Variants in ALKBH1 observed in about 807,000 individuals in gnomAD.
The protein encoded by ALKBH1 is alkB homolog 1, histone H2A dioxygenase.
In ALKBH1, 31 loss-of-function variants were observed where a neutral mutation model predicts 36.6. The ratio of observed to expected loss-of-function variants is 0.85; its 90% CI spans 0.64 to 1.14. The LOEUF (loss-of-function observed/expected upper bound fraction) is 1.14. Ranked by LOEUF, ALKBH1 falls within the 50% of genes most tolerant of loss-of-function variation. The probability of loss-of-function intolerance (pLI) is 0.00; values close to 1 mark genes in which losing one functional copy is unlikely to be tolerated. For synonymous variants in ALKBH1, 183 were observed against 186.6 expected (o/e 0.98, Z 0.16); for missense variants, 490 against 497.3 (o/e 0.99, Z 0.14).
chr14:77,692,021 T>C (rs1026389102), intron 3 of ALKBH1: 1 of 152,212 alleles, frequency 6.6e-6, no homozygotes, highest in African/African-American at 2.4e-5. Flanking sequence ...TGAATTTTAC[T>C]TTTCCTTTCC....
At chr14:77,686,118 T>C (rs1306219655) in intron 3 of ALKBH1, among the ~76,000 whole-genome samples, 2 of 152,208 alleles carry the variant, frequency 1.3e-5, no homozygotes, top group African/African-American at 4.8e-5. Flanking sequence ...CAAACATTTC[T>C]TGTCTTAGTA....
intron 3 of ALKBH1, among the ~76,000 whole-genome samples, chr14:77,682,368 T>A (rs1400797876): frequency 6.6e-6 from 1 of 152,174 alleles, no homozygotes; most frequent in African/African-American, 2.4e-5. Context: ...GTATGACTCA[T>A]GTGGACTTTG....
At chr14:77,701,855 G>A (rs2139865462) in intron 2 of ALKBH1, among the ~76,000 whole-genome samples, 1 of 152,342 alleles carries the variant, frequency 6.6e-6, no homozygotes, top group East Asian at 1.9e-4. Context: ...CCCAAAAGAT[G>A]TGGCTTAATT....
chr14:77,677,415 G>A (rs775562423), intron 4 of ALKBH1, among the ~76,000 whole-genome samples: 53 of 152,200 alleles, frequency 3.5e-4, no homozygotes, highest in Admixed American at 1.3e-4. Context: ...TTCACTTACA[G>A]GTTCCTATAT....
intron 2 of ALKBH1, among the ~76,000 whole-genome samples, chr14:77,700,108 C>T (rs969172991): frequency 2.6e-5 from 4 of 151,960 alleles, no homozygotes; most frequent in African/African-American, 9.7e-5. Context: ...TCTAACCAAA[C>T]AAATCTCTGA....
intron 3 of ALKBH1, among the ~76,000 whole-genome samples, chr14:77,693,764 G>T (rs1207806311): frequency 1.3e-5 from 2 of 152,136 alleles, no homozygotes; most frequent in African/African-American, 2.4e-5. Flanking sequence ...GAGGCAGGGG[G>T]ATCACTTGAG....
intron 4 of ALKBH1, among the ~76,000 whole-genome samples, chr14:77,678,277 C>T (rs568680483): frequency 1.3e-4 from 20 of 152,270 alleles, no homozygotes; most frequent in African/African-American, 4.8e-4. Flanking sequence ...AAGAAAATCA[C>T]ATGGCATTTC....
In ALKBH1 at chr14:77,708,019, C is replaced by T. The variant is rs765891329; in HGVS notation, c.-15G>A. 10 of 1,609,154 alleles carry T rather than the reference C, an allele frequency of 6.2e-6. No individual in the cohort carries two copies. The highest frequency in any genetic ancestry group is 1.7e-4 in the Middle Eastern group (1 of 6,002). On this transcript the variant is annotated 5_prime_UTR_variant, in exon 1 of 6. Coordinates refer to ENST00000216489, the MANE Select transcript of ALKBH1 (RefSeq NM_006020.3). ...ATCTTCCCCATCTCGCGGCCTATAC[C>T]CTCTGATCCGGAAGCAGATTCTCTC...
chr14:77,676,878 G>A (rs2080209008), intron 4 of ALKBH1, among the ~76,000 whole-genome samples: 1 of 152,200 alleles, frequency 6.6e-6, no homozygotes, highest in South Asian at 2.1e-4. Context: ...GGGATGACAT[G>A]CTCAAAACAT....
chr14:77,688,655 C>T (rs1443690556), intron 3 of ALKBH1, among the ~76,000 whole-genome samples: 1 of 150,968 alleles, frequency 6.6e-6, no homozygotes, highest in Non-Finnish European at 1.5e-5. Flanking sequence ...CGGGTTCAAG[C>T]GATTCTCCCA....
chr14:77,704,371 G>C lies in ALKBH1; in HGVS notation c.290C>G (p.Pro97Arg). Residue 97 changes from proline to arginine, a missense_variant and splice_region_variant, in exon 2 of 6, where the codon CCT becomes CGT. By Grantham distance (103) the Pro-to-Arg change is moderately radical. Coordinates refer to ENST00000216489, the MANE Select transcript of ALKBH1 (RefSeq NM_006020.3). The part of the protein sequence containing the change: ...KWQAYGLKGY[P>R]GFIFIPNPFL... ...TCTCTGAGGTCAGTTACACTCACCAGGATAGCCTTTGAGTCCATAGGCTTG... is the reference window on the plus strand; with the variant it reads ...TCTCTGAGGTCAGTTACACTCACCACGATAGCCTTTGAGTCCATAGGCTTG... 1 of 1,611,550 alleles carries C rather than the reference G, an allele frequency of 6.2e-7. No individual in the cohort carries two copies.
At chr14:77,701,440 C>T (rs80079793) in intron 2 of ALKBH1, among the ~76,000 whole-genome samples, 2 of 152,136 alleles carry the variant, frequency 1.3e-5, no homozygotes, top group Non-Finnish European at 2.9e-5. Flanking sequence ...AGAACCTACG[C>T]CTTAACCACT....
At chr14:77,690,601 T>C (rs2080291790) in intron 3 of ALKBH1, among the ~76,000 whole-genome samples, 2 of 152,208 alleles carry the variant, frequency 1.3e-5, no homozygotes, top group Admixed American at 1.3e-4. Context: ...GAGAAATGAC[T>C]GAATTTATTC....
At chr14:77,697,748 C>T (rs931190274) in intron 2 of ALKBH1, among the ~76,000 whole-genome samples, 4 of 150,754 alleles carry the variant, frequency 2.7e-5, no homozygotes, top group Non-Finnish European at 4.4e-5. Flanking sequence ...GTGGCCTGGC[C>T]GATGCCTGTA....
rs2080376744 is a variant in ALKBH1, at chr14:77,704,396, GC to G, written c.264del (p.Trp88CysfsTer28). 1 of 1,613,942 alleles carries G rather than the reference GC, an allele frequency of 6.2e-7. No homozygotes were observed. The highest frequency in any genetic ancestry group is 8.5e-7 in the Non-Finnish European group (1 of 1,179,924). ...YRAGLQPVSK[W>X]QAYGLKGYPG... is the part of the protein sequence containing the mutation. ...GGATAGCCTTTGAGTCCATAGGCTT[GC>G]CACTTGCTGACGGGCTGAAGACCTG... On this transcript the variant is annotated frameshift_variant, in exon 2 of 6. Transcript: ENST00000216489. LOFTEE classifies it high-confidence loss of function.
chr14:77,688,320 G>A (rs1024925317), intron 3 of ALKBH1, among the ~76,000 whole-genome samples: 3 of 150,832 alleles, frequency 2.0e-5, no homozygotes, highest in Non-Finnish European at 2.9e-5. Flanking sequence ...GCAGTGGCGT[G>A]ATCTCAGCTC....
chr14:77,695,056 A>G (rs907716804), intron 2 of ALKBH1, among the ~76,000 whole-genome samples, 156 bp from the exon 3 acceptor site: 6 of 152,322 alleles, frequency 3.9e-5, no homozygotes, highest in Non-Finnish European at 7.4e-5. Context: ...TTTGATGAAC[A>G]TTAGACATCT....
rs1016470406 is a variant in ALKBH1, at chr14:77,680,227, A to AT, written c.456-258dup. ...CAACTTTAAATCACAAGCCTCCAGC[A>AT]TCTTGGTAATGATAAAATAAGAATG... On this transcript the variant is annotated intron_variant, in intron 3 of 5. Coordinates refer to ENST00000216489, the MANE Select transcript of ALKBH1 (RefSeq NM_006020.3). 5.5e-5 allele frequency among the ~76,000 whole-genome samples: 7 copies of AT among 126,284 alleles called. No homozygotes were observed. In the Admixed American group the frequency reaches 6.3e-4, roughly 11 times the overall value. The allele number at this position is 126,284 out of a possible 152,430, so 82.8% of individuals were successfully genotyped here.
In ALKBH1 at chr14:77,706,057, T is replaced by TA. The variant is rs928098642; in HGVS notation, c.184-1581dup. Among the ~76,000 whole-genome samples, 23 of 150,038 alleles carry TA rather than the reference T, an allele frequency of 1.5e-4. No homozygotes were observed. In the East Asian group the frequency reaches 2.0e-3, roughly 13 times the overall value. ...GTGACACAGTGAGACGCTGTCTCAG[T>TA]AAAAAAAAGTATATATATTATATAT... On this transcript the variant is annotated intron_variant, in intron 1 of 5. Transcript: ENST00000216489.
Sources: allele counts gnomAD v4.1 joint callset (sites outside exome capture counted in the v4.1 genomes callset), GRCh38; gene constraint gnomAD v4.1.1; transcripts MANE v1.5; gene names NCBI Gene and HGNC (gene_info 2026-07-23, HGNC 2026-07-21).